The following GABPB1 variants were observed in gnomAD, a reference collection of about 807,000 sequenced individuals.
GABPB1 encodes the protein GA-binding protein subunit beta-1.
GABPB1 carries 15 observed loss-of-function variants against 45.9 expected under a neutral mutation model. The observed-to-expected ratio is 0.33, with a 90% CI of 0.22 to 0.50. The LOEUF is 0.50. Ranked by LOEUF, GABPB1 falls within the 20% of genes least tolerant of loss-of-function variation. GABPB1 has a pLI of 0.98. For synonymous variants in GABPB1, 143 were observed against 154.4 expected (o/e 0.93, Z 0.55); for missense variants, 252 against 457.5 (o/e 0.55, Z 4.10).
chr15:50,353,571 G>GT (rs2048945115), intron 1 of GABPB1: 1 of 147,336 alleles, frequency 6.8e-6, no homozygotes, highest in African/African-American at 2.6e-5. Flanking sequence ...TTTATTTTTT[G>GT]TTTTTGGAAA....
chr15:50,286,252 G>C (rs1179522131), intron 7 of GABPB1, 69 bp from the exon 8 acceptor site: 1 of 1,081,332 alleles, frequency 9.2e-7, no homozygotes, highest in Non-Finnish European at 1.3e-6. Context: ...AACTAGTCTT[G>C]ACATTGTTGA....
At chr15:50,303,495 A>G (rs979591392) in intron 3 of GABPB1, among the ~76,000 whole-genome samples, 7 of 152,170 alleles carry the variant, frequency 4.6e-5, no homozygotes, top group Admixed American at 3.9e-4. Flanking sequence ...CAGTCAAGCC[A>G]ATATGGTGAA....
At chr15:50,286,011 A>C in intron 8 of GABPB1, 57 bp downstream of exon 8, 2 of 1,585,010 alleles carry the variant, frequency 1.3e-6, no homozygotes, top group Non-Finnish European at 1.7e-6. Flanking sequence ...AAGACAAAAA[A>C]AATTGAATTT....
intron 1 of GABPB1, among the ~76,000 whole-genome samples, chr15:50,316,019 C>T (rs2047314799): frequency 1.3e-5 from 2 of 152,148 alleles, no homozygotes; most frequent in Non-Finnish European, 2.9e-5. Flanking sequence ...GCCAAGATTG[C>T]TCCACTGCAC....
chr15:50,294,093 G>C (rs550085017), intron 6 of GABPB1, among the ~76,000 whole-genome samples: 1 of 152,084 alleles, frequency 6.6e-6, no homozygotes, highest in African/African-American at 2.4e-5. Flanking sequence ...CACCTTTGAC[G>C]ACATCTGAGA....
intron 1 of GABPB1, among the ~76,000 whole-genome samples, chr15:50,318,674 A>G (rs1317757087): frequency 6.6e-6 from 1 of 152,220 alleles, no homozygotes; most frequent in Non-Finnish European, 1.5e-5. Context: ...TGGGAGCCAG[A>G]GAACAGAGTT....
At chr15:50,354,723 C>G (rs1315113688) in intron 1 of GABPB1, 1 of 313,492 alleles carries the variant, frequency 3.2e-6, no homozygotes, top group Non-Finnish European at 6.1e-6. Flanking sequence ...GGGCGGCGGC[C>G]GCCACCATGT....
chr15:50,342,140 T>C (rs188888246), intron 1 of GABPB1, among the ~76,000 whole-genome samples: 2 of 152,336 alleles, frequency 1.3e-5, no homozygotes, highest in Admixed American at 1.3e-4. Context: ...CCAAACGCAG[T>C]TCAGACATTA....
At chr15:50,294,402 T>A (rs562196828) in intron 6 of GABPB1, among the ~76,000 whole-genome samples, 16 of 152,170 alleles carry the variant, frequency 1.1e-4, no homozygotes, top group African/African-American at 3.4e-4. Context: ...TAGTCCCAGC[T>A]ACTCAGGAGG....
intron 1 of GABPB1, among the ~76,000 whole-genome samples, chr15:50,332,784 C>T (rs192228560): frequency 1.2e-4 from 18 of 152,146 alleles, no homozygotes; most frequent in Admixed American, 7.8e-4. Context: ...CTAGGTAAGA[C>T]AAGGACCTTA....
intron 7 of GABPB1, among the ~76,000 whole-genome samples, chr15:50,286,681 C>T (rs2046167864): frequency 6.6e-6 from 1 of 152,142 alleles, no homozygotes; most frequent in Non-Finnish European, 1.5e-5. Flanking sequence ...ACATAGAGAG[C>T]TTCTGTTTAT....
intron 1 of GABPB1, among the ~76,000 whole-genome samples, chr15:50,332,067 G>A (rs530475797): frequency 2.0e-5 from 3 of 151,984 alleles, no homozygotes; most frequent in South Asian, 2.1e-4. Context: ...TAGAGACGGG[G>A]TTTCACCATG....
intron 8 of GABPB1, among the ~76,000 whole-genome samples, chr15:50,280,559 TG>T (rs2045941093): frequency 1.3e-5 from 2 of 152,082 alleles, no homozygotes; most frequent in South Asian, 4.1e-4. Context: ...GAGACAAGCC[TG>T]GGCAACATGG....
At chr15:50,306,594 T>C (rs1595771857) in intron 2 of GABPB1, among the ~76,000 whole-genome samples, 1 of 140,150 alleles carries the variant, frequency 7.1e-6, no homozygotes, top group East Asian at 2.1e-4. Context: ...GCCACTGCAC[T>C]CCAGCCTGGG....
chr15:50,288,608 T>C (rs2046243001), intron 7 of GABPB1, among the ~76,000 whole-genome samples: 1 of 152,170 alleles, frequency 6.6e-6, no homozygotes. Flanking sequence ...GAGAGTCCTC[T>C]TGCCCTGGCT....
chr15:50,300,723 G>A (rs2046710304), intron 6 of GABPB1, 66 bp downstream of exon 6: 18 of 974,166 alleles, frequency 1.8e-5, no homozygotes, highest in Non-Finnish European at 2.8e-5. Context: ...AGGATTACAG[G>A]TGTGAGCCAC....
chr15:50,319,092 G>GA (rs1488066356), intron 1 of GABPB1, among the ~76,000 whole-genome samples: 2 of 152,014 alleles, frequency 1.3e-5, no homozygotes, highest in South Asian at 2.1e-4. Context: ...ATCTAATGTG[G>GA]AAAAAAATCA....
chr15:50,304,052 T>G lies in GABPB1; in HGVS notation c.190A>C (p.Arg64=), dbSNP rs1184310927. The G allele has an allele frequency of 6.2e-7, 1 of 1,613,644 alleles. No homozygotes were observed. Among genetic ancestry groups the G allele is most frequent in the Non-Finnish European group, 8.5e-7 (1 of 1,179,854 alleles). ...TEVLLRAGVS[R]DARTKVDRTP... ...CGGTCCACTTTGGTTCTGGCATCTC[T>G]GCTCACACCAGCTCGCAGCAGTACC... The change falls in exon 3 of 9, where the codon AGA becomes CGA. Residue 64 remains arginine, a synonymous_variant. Coordinates refer to ENST00000380877, the MANE Select transcript of GABPB1 (RefSeq NM_016654.5).
intron 2 of GABPB1, among the ~76,000 whole-genome samples, chr15:50,305,871 T>C (rs879887726): frequency 2.6e-5 from 4 of 152,244 alleles, no homozygotes; most frequent in African/African-American, 9.6e-5. Flanking sequence ...ACCTTCAAAC[T>C]TCTGAGCTCA....
Sources: gnomAD v4.1 joint callset for allele counts (sites outside exome capture counted in the v4.1 genomes callset) on GRCh38, gnomAD v4.1.1 for gene constraint, MANE v1.5 for transcripts, NCBI Gene and HGNC (gene_info 2026-07-23, HGNC 2026-07-21) for gene names.